Variants in KAZN observed in about 807,000 individuals in gnomAD.
The protein encoded by KAZN is kazrin, periplakin interacting protein.
Under a neutral mutation model 87.4 loss-of-function variants are expected in KAZN, and 40 were observed. The observed-to-expected ratio is 0.46, with a 90% CI of 0.36 to 0.60. The LOEUF (loss-of-function observed/expected upper bound fraction) is 0.60, where lower values mean the gene tolerates loss of function less well. Among genes scored for constraint, KAZN ranks in the 20% least tolerant of loss-of-function variants. KAZN has a pLI of 0.00. For synonymous variants in KAZN, 466 were observed against 458.3 expected, an observed-to-expected ratio of 1.02 and a Z score of -0.22; for missense variants, 898 against 1,073.9, an observed-to-expected ratio of 0.84 and a Z score of 2.29.
chr1:14,548,788 A>AC (rs1553187177), intron 2 of KAZN, among the ~76,000 whole-genome samples: 1 of 151,826 alleles, frequency 6.6e-6, no homozygotes, highest in African/African-American at 2.4e-5. Context: ...TGCTGTGAAC[A>AC]TTCTTTCGTT....
At chr1:14,251,516 G>T (rs1395014658) in intron 2 of KAZN, among the ~76,000 whole-genome samples, 1 of 152,128 alleles carries the variant, frequency 6.6e-6, no homozygotes, top group Non-Finnish European at 1.5e-5. Context: ...TTCTGGGAGG[G>T]AGGAAAGAGA....
intron 7 of KAZN, 33 bp from the exon 8 acceptor site, chr1:15,065,597 C>A: frequency 6.4e-7 from 1 of 1,568,048 alleles, no homozygotes; most frequent in Non-Finnish European, 8.7e-7. Context: ...TTCTTCTCCC[C>A]CACCCTCTTC....
chr1:14,484,736 G>A (rs943718844), intron 2 of KAZN, among the ~76,000 whole-genome samples: 5 of 152,200 alleles, frequency 3.3e-5, no homozygotes, highest in African/African-American at 7.2e-5. Flanking sequence ...GCAGCCATGC[G>A]ATCTTGGCTG....
intron 1 of KAZN, among the ~76,000 whole-genome samples, chr1:14,042,649 T>A (rs1641888915): frequency 6.6e-6 from 1 of 152,232 alleles, no homozygotes; most frequent in Admixed American, 6.5e-5. Flanking sequence ...TTTTCCCTCC[T>A]ATTTGTTGTG....
At chr1:14,003,978 C>G (rs1467722016) in intron 1 of KAZN, among the ~76,000 whole-genome samples, 1 of 151,788 alleles carries the variant, frequency 6.6e-6, no homozygotes, top group African/African-American at 2.4e-5. Context: ...ATATATTTGA[C>G]AAAAGACTCA....
intron 2 of KAZN, among the ~76,000 whole-genome samples, chr1:15,002,226 G>C (rs1000895197): frequency 3.3e-5 from 5 of 152,144 alleles, no homozygotes; most frequent in African/African-American, 1.2e-4. Flanking sequence ...CTTTCTCCCA[G>C]CCGAGGCTGG....
At chr1:14,573,581 A>T (rs1274487132) in intron 2 of KAZN, among the ~76,000 whole-genome samples, 2 of 152,204 alleles carry the variant, frequency 1.3e-5, no homozygotes, top group African/African-American at 4.8e-5. Context: ...CAGGAGGCAG[A>T]GGTTGCAGTG....
At chr1:14,391,249 T>C (rs776842549) in intron 2 of KAZN, among the ~76,000 whole-genome samples, 3 of 152,222 alleles carry the variant, frequency 2.0e-5, no homozygotes, top group African/African-American at 4.8e-5. Flanking sequence ...TTGGGCACTT[T>C]TGAGGGATCC....
chr1:14,524,866 T>C (rs535323274), intron 2 of KAZN, among the ~76,000 whole-genome samples: 4 of 152,162 alleles, frequency 2.6e-5, no homozygotes, highest in Non-Finnish European at 4.4e-5. Flanking sequence ...AGGAAGCCCA[T>C]AAGGAAAACA....
At chr1:14,242,407 C>G (rs868466515) in intron 2 of KAZN, among the ~76,000 whole-genome samples, 1 of 152,090 alleles carries the variant, frequency 6.6e-6, no homozygotes, top group Non-Finnish European at 1.5e-5. Context: ...GAATGACAGA[C>G]CTTCCAGCAA....
intron 1 of KAZN, among the ~76,000 whole-genome samples, chr1:14,748,907 G>A (rs1644334553): frequency 6.6e-6 from 1 of 152,182 alleles, no homozygotes; most frequent in Admixed American, 6.5e-5. Flanking sequence ...TCCCAATTCA[G>A]TTAAGTGAGC....
chr1:14,116,370 G>C (rs1644618315), intron 1 of KAZN, among the ~76,000 whole-genome samples: 1 of 152,230 alleles, frequency 6.6e-6, no homozygotes, highest in African/African-American at 2.4e-5. Flanking sequence ...AGCTGCTCCA[G>C]CCGTGGCTGA....
intron 2 of KAZN, among the ~76,000 whole-genome samples, chr1:14,506,699 C>T (rs1050546074): frequency 2.6e-5 from 4 of 152,178 alleles, no homozygotes; most frequent in Non-Finnish European, 5.9e-5. Context: ...AATTTTAGCT[C>T]TCATTGTTAT....
At chr1:14,347,749 T>C (rs978910768) in intron 2 of KAZN, among the ~76,000 whole-genome samples, 4 of 152,144 alleles carry the variant, frequency 2.6e-5, no homozygotes, top group Non-Finnish European at 5.9e-5. Context: ...TGTGTGTGAG[T>C]GTATGACTCC....
At chr1:14,557,672 T>TGGTGTGAGA (rs1673992906) in intron 2 of KAZN, among the ~76,000 whole-genome samples, 2 of 136,876 alleles carry the variant, frequency 1.5e-5, no homozygotes, top group Non-Finnish European at 3.1e-5. Context: ...GTGTGGTGTG[T>TGGTGTGAGA]GAGAGAGAGA....
chr1:14,953,915 T>C (rs1662785559), intron 1 of KAZN, among the ~76,000 whole-genome samples: 1 of 146,400 alleles, frequency 6.8e-6, no homozygotes, highest in Non-Finnish European at 1.5e-5. Context: ...GTGTGTCACA[T>C]GGACAACCCT....
In KAZN at chr1:14,894,810, C is replaced by T. The variant is rs574994521; in HGVS notation, c.227-65874C>T. 7.2e-5 allele frequency among the ~76,000 whole-genome samples: 11 copies of T among 152,370 alleles called. No homozygotes were observed. In the South Asian group the frequency reaches 2.3e-3, roughly 32 times the overall value. ...CAGGGTCTGAGATTCTGTGCTATCA[C>T]ACCAAGGACGGGGAAATCAATTCAA... On this transcript the variant is annotated intron_variant, in intron 1 of 14. Coordinates refer to ENST00000376030, the MANE Select transcript of KAZN (RefSeq NM_201628.3).
chr1:14,806,219 C>T (rs1168394813), intron 1 of KAZN, among the ~76,000 whole-genome samples: 1 of 152,028 alleles, frequency 6.6e-6, no homozygotes, highest in Non-Finnish European at 1.5e-5. Flanking sequence ...TCAGACACCT[C>T]TGTTCCCTTT....
chr1:13,989,240 A>G (rs1639167626), intron 1 of KAZN, among the ~76,000 whole-genome samples: 1 of 152,068 alleles, frequency 6.6e-6, no homozygotes, highest in Non-Finnish European at 1.5e-5. Flanking sequence ...TATGTTTCCA[A>G]TGTAGGCTTT....
Sources: allele counts gnomAD v4.1 joint callset (sites outside exome capture counted in the v4.1 genomes callset), GRCh38; gene constraint gnomAD v4.1.1; transcripts MANE v1.5; gene names NCBI Gene and HGNC (gene_info 2026-07-23, HGNC 2026-07-21).